KCNMA1: variants seen among roughly 807,000 people sequenced by gnomAD.
KCNMA1 encodes the protein potassium calcium-activated channel subfamily M alpha 1.
KCNMA1 carries 29 observed loss-of-function variants against 140.0 expected under a neutral mutation model. The observed-to-expected ratio is 0.21, with a 90% CI of 0.15 to 0.28. The LOEUF (loss-of-function observed/expected upper bound fraction) is 0.28, where lower values mean the gene tolerates loss of function less well. Among genes scored for constraint, KCNMA1 ranks in the 10% least tolerant of loss-of-function variants. The pLI is 1.00. For synonymous variants in KCNMA1, 612 were observed against 611.9 expected (o/e 1.00, Z 0.00); for missense variants, 880 against 1,602.2 (o/e 0.55, Z 7.70).
intron 23 of KCNMA1, among the ~76,000 whole-genome samples, chr10:76,941,116 G>GAGGGA (rs1223512999): frequency 0.05 from 4,462 of 88,490 alleles, 422 homozygotes; most frequent in East Asian, 0.5. Flanking sequence ...GGGAGGGAGG[G>GAGGGA]AGGGAAGGGA....
intron 2 of KCNMA1, among the ~76,000 whole-genome samples, chr10:77,261,269 C>CT (rs1483100564): frequency 2.0e-5 from 3 of 152,044 alleles, no homozygotes; most frequent in African/African-American, 7.2e-5. Context: ...CAATCATGGA[C>CT]TTTTTTTTGA....
chr10:77,398,003 G>T lies in KCNMA1; in HGVS notation c.540+5859C>A, dbSNP rs144930121. ...TGTGTGTGTTTGTATATATATAAAT[G>T]TAATATATATACATATATAATGTGA... On this transcript the variant is annotated intron_variant, in intron 2 of 27. Transcript: ENST00000286628. Among the ~76,000 whole-genome samples the T allele has an allele frequency of 2.3e-3, 350 of 150,700 alleles. 7 individuals carry two copies. The highest frequency in any genetic ancestry group is 0.017 in the Admixed American group (261 of 15,100).
chr10:76,923,009 G>T (rs2056432675), intron 23 of KCNMA1, among the ~76,000 whole-genome samples: 1 of 152,146 alleles, frequency 6.6e-6, no homozygotes, highest in South Asian at 2.1e-4. Flanking sequence ...GTAACTAACA[G>T]TGACATTTTT....
chr10:77,159,926 G>T (rs1048569310), intron 5 of KCNMA1, among the ~76,000 whole-genome samples: 4 of 152,260 alleles, frequency 2.6e-5, no homozygotes, highest in East Asian at 1.9e-4. Context: ...TTCATTGAGG[G>T]TTCCTTTTAG....
intron 23 of KCNMA1, chr10:76,939,303 G>A (rs1004961456): frequency 2.0e-5 from 3 of 151,964 alleles, no homozygotes; most frequent in African/African-American, 7.3e-5. Flanking sequence ...TGTATTTTTA[G>A]TACAGACGGG....
intron 2 of KCNMA1, among the ~76,000 whole-genome samples, chr10:77,387,757 A>G (rs1406925831): frequency 1.3e-5 from 2 of 152,014 alleles, no homozygotes; most frequent in African/African-American, 4.8e-5. Flanking sequence ...AGCTGAGACT[A>G]CAGGTGCCTG....
At chr10:77,058,152 A>G (rs776447752) in intron 14 of KCNMA1, among the ~76,000 whole-genome samples, 2 of 152,084 alleles carry the variant, frequency 1.3e-5, no homozygotes, top group Non-Finnish European at 2.9e-5. Context: ...TAGACTTCAG[A>G]ACAAAGAAAA....
At chr10:76,971,371 T>C (rs2076037457) in intron 19 of KCNMA1, among the ~76,000 whole-genome samples, 1 of 152,158 alleles carries the variant, frequency 6.6e-6, no homozygotes, top group Admixed American at 6.5e-5. Flanking sequence ...GAGCATGCAT[T>C]ATATGGTACT....
chr10:77,090,769 T>C, intron 9 of KCNMA1: 1 of 554,488 alleles, frequency 1.8e-6, no homozygotes, highest in Non-Finnish European at 3.2e-6. Flanking sequence ...AGCCCAACTG[T>C]TTGGCCAAGT....
At chr10:76,985,912 T>C (rs1275613967) in intron 19 of KCNMA1, among the ~76,000 whole-genome samples, 2 of 152,154 alleles carry the variant, frequency 1.3e-5, no homozygotes, top group East Asian at 1.9e-4. Context: ...ATTTGATCTC[T>C]AACATAAAAA....
At chr10:77,219,395 G>A (rs1164488516) in intron 3 of KCNMA1, among the ~76,000 whole-genome samples, 3 of 152,082 alleles carry the variant, frequency 2.0e-5, no homozygotes, top group Non-Finnish European at 2.9e-5. Context: ...TTAAACTAGC[G>A]GAGTGGGGAA....
At chr10:76,905,726 T>C (rs894354924) in intron 25 of KCNMA1, among the ~76,000 whole-genome samples, 12 of 152,240 alleles carry the variant, frequency 7.9e-5, no homozygotes, top group African/African-American at 2.2e-4. Flanking sequence ...TCAAGCTATT[T>C]CATGTTCTTC....
chr10:77,376,058 C>G (rs1187336710), intron 2 of KCNMA1, among the ~76,000 whole-genome samples: 1 of 152,222 alleles, frequency 6.6e-6, no homozygotes, highest in Admixed American at 6.5e-5. Context: ...GAAACAAGAT[C>G]CCCAATCTTC....
At chr10:76,948,648 G>T (rs1237716626) in intron 22 of KCNMA1, among the ~76,000 whole-genome samples, 2 of 152,116 alleles carry the variant, frequency 1.3e-5, no homozygotes, top group Admixed American at 1.3e-4. Flanking sequence ...AATGAACAGG[G>T]GTTGGGGCTG....
intron 10 of KCNMA1, 72 bp from the exon 11 acceptor site, chr10:77,086,665 T>C: frequency 9.4e-7 from 1 of 1,058,962 alleles, no homozygotes; most frequent in Admixed American, 1.9e-5. Context: ...GGCTCCTTCC[T>C]CTCTAATTTC....
intron 9 of KCNMA1, among the ~76,000 whole-genome samples, chr10:77,101,598 G>A (rs1410302491): frequency 6.6e-6 from 1 of 152,110 alleles, no homozygotes; most frequent in African/African-American, 2.4e-5. Flanking sequence ...CATTGCTGAG[G>A]GGTTCAGGCT....
At chr10:77,030,543 C>T (rs1202834254) in intron 15 of KCNMA1, among the ~76,000 whole-genome samples, 1 of 152,104 alleles carries the variant, frequency 6.6e-6, no homozygotes, top group Admixed American at 6.5e-5. Context: ...AATGACCAGT[C>T]CACTTTGGGA....
At chr10:77,544,015 C>T (rs1190016308) in intron 1 of KCNMA1, among the ~76,000 whole-genome samples, 1 of 152,084 alleles carries the variant, frequency 6.6e-6, no homozygotes, top group East Asian at 1.9e-4. Flanking sequence ...CTCAGAACTT[C>T]CTTTAGATGT....
intron 2 of KCNMA1, among the ~76,000 whole-genome samples, chr10:77,379,684 T>C (rs1352330957): frequency 6.6e-6 from 1 of 152,086 alleles, no homozygotes; most frequent in East Asian, 1.9e-4. Flanking sequence ...AAAAGTAGAC[T>C]ACAGATTTAT....
Sources: gnomAD v4.1 joint callset for allele counts (sites outside exome capture counted in the v4.1 genomes callset) on GRCh38, gnomAD v4.1.1 for gene constraint, MANE v1.5 for transcripts, NCBI Gene and HGNC (gene_info 2026-07-23, HGNC 2026-07-21) for gene names.